Variants in SBNO2 observed in about 807,000 individuals in gnomAD.
SBNO2 encodes strawberry notch homolog 2.
In SBNO2, 89 loss-of-function variants were observed where a neutral mutation model predicts 146.3. That is an observed-to-expected ratio of 0.61 (90% CI 0.51 to 0.73). The LOEUF (loss-of-function observed/expected upper bound fraction) is 0.73, where lower values mean the gene tolerates loss of function less well. Among genes scored for constraint, SBNO2 ranks in the 30% least tolerant of loss-of-function variants. SBNO2 has a pLI of 0.00. For missense variants in SBNO2, 2,092 were observed against 2,003.7 expected, an observed-to-expected ratio of 1.04 and a Z score of -0.84; for synonymous variants, 1,147 against 892.6, an observed-to-expected ratio of 1.29 and a Z score of -5.08.
chr19:1,151,555 C>T (rs549385566), intron 2 of SBNO2, among the ~76,000 whole-genome samples: 126 of 152,352 alleles, frequency 8.3e-4, no homozygotes, highest in African/African-American at 2.9e-3. Flanking sequence ...CCTTCTCTGG[C>T]AGCCAGAGGG....
At chr19:1,116,322 G>C (rs138532490) in intron 16 of SBNO2, among the ~76,000 whole-genome samples, 2 of 151,708 alleles carry the variant, frequency 1.3e-5, no homozygotes, top group African/African-American at 4.8e-5. Context: ...CGGCCACCAG[G>C]CTTCCCCCGC....
At chr19:1,151,663 CT>C (rs2145309244) in intron 2 of SBNO2, among the ~76,000 whole-genome samples, 1 of 152,094 alleles carries the variant, frequency 6.6e-6, no homozygotes, top group East Asian at 1.9e-4. Flanking sequence ...TGGTGATTTT[CT>C]TTCCTTTCCT....
rs543797639 is a variant in SBNO2, at chr19:1,136,394, C to G, written c.280-8629G>C. Among the ~76,000 whole-genome samples, 24 of 152,372 alleles carry G rather than the reference C, an allele frequency of 1.6e-4. No homozygotes were observed. The highest frequency in any genetic ancestry group is 5.0e-4 in the African/African-American group (21 of 41,592). ...CCTGGGGCCGCCGCCTCAGTGTCTT[C>G]TGGTGCTGCAGCCGGGCAGGGCCGA... is the stretch of plus-strand genomic sequence containing the variant. On this transcript the variant is annotated intron_variant, in intron 4 of 31. Coordinates refer to ENST00000361757, the MANE Select transcript of SBNO2 (RefSeq NM_014963.3). The surrounding 1 kb of genome is among the most constrained non-coding windows in gnomAD (Gnocchi z 4.2).
rs930129205 is a variant in SBNO2 at position 1,156,542 on chromosome 19, G to C, written c.-126-2140C>G. 2.6e-5 allele frequency among the ~76,000 whole-genome samples: 4 copies of C among 152,052 alleles called. No individual in the cohort carries two copies. In the South Asian group the frequency reaches 8.3e-4, roughly 31 times the overall value. ...GAGCAATTCCACACCACACAGAAAC[G>C]TGGCCATGCACGTCCACAGCAGCAC... On this transcript the variant is annotated intron_variant, in intron 1 of 31. Coordinates refer to ENST00000361757, the MANE Select transcript of SBNO2 (RefSeq NM_014963.3).
rs375474230 is a variant in SBNO2 at position 1,147,354 on chromosome 19, C to T, written c.234G>A (p.Val78=). Residue 78 remains valine (V), a synonymous_variant, in exon 4 of 32, where the codon GTG becomes GTA. Transcript: ENST00000361757. ...TTGGTGGCAAGCTGGAGGCGGTGGCCACGGGGGCATAGCTGGTGTCTGGGC... is the reference window on the plus strand; with the variant it reads ...TTGGTGGCAAGCTGGAGGCGGTGGCTACGGGGGCATAGCTGGTGTCTGGGC... ...QPCPDTSYAP[V]ATASSLPPKT... 2 of 1,563,556 alleles carry T rather than the reference C, an allele frequency of 1.3e-6. No homozygotes were observed. The highest frequency in any genetic ancestry group is 2.5e-5 in the East Asian group (1 of 40,078).
chr19:1,111,940 C>T, intron 23 of SBNO2, 56 bp downstream of exon 23: 1 of 1,454,994 alleles, frequency 6.9e-7, no homozygotes, highest in East Asian at 2.4e-5. Context: ...TTAGATCCGG[C>T]CCTCCCTAGA....
rs1375181589 is a variant in SBNO2, at chr19:1,109,100, T to G, written c.3425+35A>C. On this transcript the variant is annotated intron_variant, in intron 30 of 31. Coordinates refer to ENST00000361757, the MANE Select transcript of SBNO2 (RefSeq NM_014963.3). The surrounding 1 kb of genome is among the most constrained non-coding windows in gnomAD (Gnocchi z 4.2). ...GATCCCCGCCTGGGTCGCCGCCATC[T>G]GCCGGTTTCCCCCTGGTCCCCGGCC... 1.3e-6 allele frequency: 2 copies of G among 1,544,690 alleles called. No homozygotes were observed. Among genetic ancestry groups the G allele is most frequent in the Non-Finnish European group, 1.7e-6 (2 of 1,144,474 alleles).
intron 7 of SBNO2, among the ~76,000 whole-genome samples, chr19:1,123,331 C>T (rs918124903): frequency 6.6e-6 from 1 of 152,116 alleles, no homozygotes; most frequent in African/African-American, 2.4e-5. Context: ...CCCAGTGCCT[C>T]TGAGGTTCCT....
chr19:1,163,378 C>T (rs2080368754), intron 1 of SBNO2, among the ~76,000 whole-genome samples: 1 of 152,222 alleles, frequency 6.6e-6, no homozygotes, highest in Non-Finnish European at 1.5e-5. Flanking sequence ...AGGAAGGGTC[C>T]TCCCCTGGAG....
At chr19:1,168,849 C>A (rs1320659706) in intron 1 of SBNO2, 1 of 152,254 alleles carries the variant, frequency 6.6e-6, no homozygotes, top group Non-Finnish European at 1.5e-5. Context: ...GCCCGCCAGG[C>A]CCGAAGGCTC....
intron 5 of SBNO2, among the ~76,000 whole-genome samples, chr19:1,125,358 C>CAAA (rs35572800): frequency 3.4e-4 from 18 of 53,146 alleles, no homozygotes; most frequent in East Asian, 1.0e-3. Context: ...GACTCCATCT[C>CAAA]AAAAAAAAAA....
intron 1 of SBNO2, among the ~76,000 whole-genome samples, chr19:1,167,326 C>G (rs1187120925): frequency 1.3e-5 from 2 of 152,254 alleles, no homozygotes; most frequent in Non-Finnish European, 2.9e-5. Flanking sequence ...CTCTCTGGGC[C>G]CAGCAGGTCA....
chr19:1,162,029 G>A lies in SBNO2; in HGVS notation c.-126-7627C>T, dbSNP rs554502067. Among the ~76,000 whole-genome samples the A allele has an allele frequency of 1.8e-3, 277 of 150,524 alleles. 1 individual carries two copies. The highest frequency in any genetic ancestry group is 6.6e-3 in the African/African-American group (269 of 40,988). ...GTGAGCGGGCACGGCCACAGATGGC[G>A]CCTGGGGCCTTTGCAGGCGCCCTCC... On this transcript the variant is annotated intron_variant, in intron 1 of 31. Transcript: ENST00000361757.
At chr19:1,119,333 C>A (rs1256100197) in intron 13 of SBNO2, among the ~76,000 whole-genome samples, 169 bp from the exon 14 acceptor site, 1 of 152,176 alleles carries the variant, frequency 6.6e-6, no homozygotes, top group African/African-American at 2.4e-5. Context: ...GCAGGAAGGG[C>A]TGCGGAGGGG....
Position 1,144,278 on chromosome 19 carries a change from C to T in SBNO2, c.279+3031G>A, listed in dbSNP as rs1047088950. On this transcript the variant is annotated intron_variant, in intron 4 of 31. Transcript: ENST00000361757. This position sits in a 1 kb window ranked among gnomAD's most constrained non-coding sequence, Gnocchi z 4.1. ...CTCAGCACTGGGGGACCACGCGGCC[C>T]GGCCCACACTTGGCACCGGGGTCAG... 1.3e-5 allele frequency among the ~76,000 whole-genome samples: 2 copies of T among 152,182 alleles called. No individual in the cohort carries two copies. The highest frequency in any genetic ancestry group is 4.8e-5 in the African/African-American group (2 of 41,442).
At position 1,140,439 on chromosome 19, in the gene SBNO2, C is replaced by T. The variant is rs956481256; in HGVS notation, c.279+6870G>A. Reference sequence around the variant, plus strand: ...CCAGGGACATTGAGCCTGATGGCTTCGCGCCAACCTGGAGACGGAAGGCTG... The same window carrying T: ...CCAGGGACATTGAGCCTGATGGCTTTGCGCCAACCTGGAGACGGAAGGCTG... On this transcript the variant is annotated intron_variant, in intron 4 of 31. Transcript: ENST00000361757. The surrounding 1 kb of genome is among the most constrained non-coding windows in gnomAD (Gnocchi z 4.4). Among the ~76,000 whole-genome samples the T allele has an allele frequency of 2.0e-5, 3 of 152,186 alleles. No homozygotes were observed. The highest frequency in any genetic ancestry group is 6.5e-5 in the Admixed American group (1 of 15,282).
rs1029018064 is a variant in SBNO2 at position 1,157,578 on chromosome 19, G to C, written c.-126-3176C>G. Among the ~76,000 whole-genome samples, 2 of 152,030 alleles carry C rather than the reference G, an allele frequency of 1.3e-5. No individual in the cohort carries two copies. The highest frequency in any genetic ancestry group is 2.9e-5 in the Non-Finnish European group (2 of 67,988). The stretch of plus-strand genomic sequence containing the variant: ...GATGCGTGGTGTGGGGGTTGGGGGG[G>C]CGGGGGTCACACGGTTCCCACCTTG... On this transcript the variant is annotated intron_variant, in intron 1 of 31. Coordinates refer to ENST00000361757, the MANE Select transcript of SBNO2 (RefSeq NM_014963.3). The surrounding 1 kb of genome is among the most constrained non-coding windows in gnomAD (Gnocchi z 6.8).
chr19:1,113,429 C>T (rs1464489245), intron 19 of SBNO2, 106 bp downstream of exon 19: 37 of 1,033,460 alleles, frequency 3.6e-5, no homozygotes, highest in Non-Finnish European at 4.6e-5. Flanking sequence ...GCCGCGGAGA[C>T]GCAGAGTGAC....
In SBNO2 at chr19:1,109,767, G is replaced by A. The variant is rs773043382; in HGVS notation, c.3039C>T (p.Pro1013=). 34 of 1,593,936 alleles carry A rather than the reference G, an allele frequency of 2.1e-5. No individual in the cohort carries two copies. Among genetic ancestry groups the A allele is most frequent in the African/African-American group, 4.0e-5 (3 of 74,512 alleles). Residue 1013 remains proline, a synonymous_variant, in exon 27 of 32, where the codon CCC becomes CCT. Transcript: ENST00000361757. The surrounding 1 kb of genome is among the most constrained non-coding windows in gnomAD (Gnocchi z 4.2). ...TCTCCTCGTAGATCTCCTCGATACCGGGAGCAAGGTCTAGGGGGGCGGGTG... is the reference window on the plus strand; with the variant it reads ...TCTCCTCGTAGATCTCCTCGATACCAGGAGCAAGGTCTAGGGGGGCGGGTG... ...KYDMGILDLA[P]GIEEIYEESQ...
Sources: gnomAD v4.1 joint callset for allele counts (sites outside exome capture counted in the v4.1 genomes callset) on GRCh38, gnomAD v4.1.1 for gene constraint, Gnocchi (gnomAD v3.1) non-coding constraint, MANE v1.5 for transcripts, NCBI Gene and HGNC (gene_info 2026-07-23, HGNC 2026-07-21) for gene names.